The following EXOC6 variants were observed in gnomAD, a reference collection of about 807,000 sequenced individuals.
EXOC6 encodes the protein exocyst complex component 6.
EXOC6 carries 60 observed loss-of-function variants against 112.5 expected under a neutral mutation model. The observed-to-expected ratio is 0.53, with a 90% CI of 0.43 to 0.66. EXOC6 has a LOEUF of 0.66. EXOC6 is among the 30% of genes least tolerant of loss of function. The probability of loss-of-function intolerance (pLI) is 0.00; values close to 1 mark genes in which losing one functional copy is unlikely to be tolerated. For synonymous variants in EXOC6, 295 were observed against 308.0 expected, an observed-to-expected ratio of 0.96 and a Z score of 0.44; for missense variants, 855 against 957.1, an observed-to-expected ratio of 0.89 and a Z score of 1.41.
At chr10:92,831,090 A>T (rs931811805), upstream of EXOC6, among the ~76,000 whole-genome samples, 2 of 152,246 alleles carry the variant, frequency 1.3e-5, no homozygotes, top group Non-Finnish European at 2.9e-5. Flanking sequence ...TAAAAGGAAG[A>T]TGCTGGTTTA....
Position 93,014,245 on chromosome 10 carries a change from T to C in EXOC6, c.2147T>C (p.Leu716Pro). 6.2e-7 allele frequency: 1 copy of C among 1,613,576 alleles called. No individual in the cohort carries two copies. The highest frequency in any genetic ancestry group is 8.5e-7 in the Non-Finnish European group (1 of 1,179,554). ...VPGFQGDTLQ[L>P]AFIDLRQLLD... ...GGATTCCAGGGGGATACCCTGCAGCTAGCATTCATTGACCTCAGACAAGTA... is the reference window on the plus strand; with the variant it reads ...GGATTCCAGGGGGATACCCTGCAGCCAGCATTCATTGACCTCAGACAAGTA... The change falls in exon 20 of 22, where the codon CTA becomes CCA. Residue 716 changes from leucine (L) to proline (P), a missense_variant. Leu to Pro is a moderately conservative substitution (Grantham distance 98). Coordinates refer to ENST00000260762, the MANE Select transcript of EXOC6 (RefSeq NM_019053.6).
chr10:93,046,273 G>A (rs1225379468), intron 20 of EXOC6, among the ~76,000 whole-genome samples: 1 of 152,202 alleles, frequency 6.6e-6, no homozygotes, highest in African/African-American at 2.4e-5. Context: ...GATATTGGAA[G>A]GAGATAAGTG....
At chr10:92,971,713 T>C (rs1842305331) in intron 17 of EXOC6, among the ~76,000 whole-genome samples, 1 of 152,202 alleles carries the variant, frequency 6.6e-6, no homozygotes, top group Non-Finnish European at 1.5e-5. Context: ...TTTATTGATG[T>C]ATTCTCATAA....
chr10:92,882,706 G>T (rs1849025399), intron 1 of EXOC6, among the ~76,000 whole-genome samples: 1 of 152,004 alleles, frequency 6.6e-6, no homozygotes, highest in South Asian at 2.1e-4. Context: ...TTCTCACATG[G>T]TTGTTACTGA....
chr10:93,026,621 G>A (rs2134276130), intron 20 of EXOC6, among the ~76,000 whole-genome samples: 1 of 152,266 alleles, frequency 6.6e-6, no homozygotes, highest in African/African-American at 2.4e-5. Flanking sequence ...GTCACATTTT[G>A]TAATTCTCAC....
intron 18 of EXOC6, among the ~76,000 whole-genome samples, chr10:92,978,974 C>G (rs1014164486): frequency 3.3e-5 from 5 of 152,180 alleles, no homozygotes; most frequent in Non-Finnish European, 5.9e-5. Context: ...CCAAGGGGCA[C>G]TCTTTCAAAT....
At chr10:92,916,967 C>CTT (rs1299919614) in intron 7 of EXOC6, among the ~76,000 whole-genome samples, 3 of 141,188 alleles carry the variant, frequency 2.1e-5, no homozygotes, top group African/African-American at 5.2e-5. Flanking sequence ...ATTTTTCTTT[C>CTT]TTTTTTTTTT....
intron 7 of EXOC6, among the ~76,000 whole-genome samples, chr10:92,917,178 G>A (rs1189901218): frequency 1.3e-5 from 2 of 151,964 alleles, no homozygotes; most frequent in African/African-American, 4.8e-5. Context: ...TGCTGGCCAG[G>A]CTGGTCTTGA....
chr10:92,981,465 T>G (rs1409153787), intron 18 of EXOC6, among the ~76,000 whole-genome samples: 1 of 152,224 alleles, frequency 6.6e-6, no homozygotes, highest in East Asian at 1.9e-4. Flanking sequence ...ACAGTGAGTT[T>G]TAAAAATGTC....
Position 92,836,269 on chromosome 10 carries a change from G to A in EXOC6, c.86+1445G>A, listed in dbSNP as rs762505159. ...TGTCTGTCCTTAGAACTAACCTGTC[G>A]GCTAGTCTGTCTCTGGTGTTGGACT... On this transcript the variant is annotated intron_variant, in intron 1 of 21. Coordinates refer to the EXOC6 transcript ENST00000371552. Among the ~76,000 whole-genome samples the A allele has an allele frequency of 3.9e-5, 6 of 152,120 alleles. No individual in the cohort carries two copies. In the East Asian group the frequency reaches 9.6e-4, roughly 24 times the overall value.
At chr10:93,007,000 A>T (rs1237548218) in intron 19 of EXOC6, among the ~76,000 whole-genome samples, 1 of 131,868 alleles carries the variant, frequency 7.6e-6, no homozygotes, top group Non-Finnish European at 1.6e-5. Context: ...CACCCTCTTT[A>T]CCCCCTGACA....
At chr10:92,999,126 C>A in intron 19 of EXOC6, 1 of 345,792 alleles carries the variant, frequency 2.9e-6, no homozygotes, top group South Asian at 2.3e-5. Flanking sequence ...CCCACCTCAG[C>A]CTCCCAAAGT....
At chr10:92,854,370 G>A (rs1203366357) in intron 1 of EXOC6, among the ~76,000 whole-genome samples, 2 of 151,818 alleles carry the variant, frequency 1.3e-5, no homozygotes, top group Non-Finnish European at 2.9e-5. Flanking sequence ...CTGGGAGGCG[G>A]AGGATGCATG....
intron 18 of EXOC6, among the ~76,000 whole-genome samples, chr10:92,977,868 C>A (rs1296908449): frequency 6.6e-6 from 1 of 151,960 alleles, no homozygotes; most frequent in Non-Finnish European, 1.5e-5. Context: ...TAGAGGAAAC[C>A]CTGCTTTTTC....
chr10:93,049,184 A>T (rs985209847), intron 20 of EXOC6, among the ~76,000 whole-genome samples: 4 of 152,070 alleles, frequency 2.6e-5, no homozygotes, highest in African/African-American at 9.6e-5. Flanking sequence ...CAGCCTCCTG[A>T]GTAGCTGGGA....
intron 7 of EXOC6, among the ~76,000 whole-genome samples, chr10:92,919,511 T>G (rs533409527): frequency 2.6e-4 from 39 of 152,256 alleles, no homozygotes; most frequent in Non-Finnish European, 5.1e-4. Context: ...AGTGGTGGTG[T>G]TTTTTCTTTC....
intron 1 of EXOC6, among the ~76,000 whole-genome samples, chr10:92,875,934 CAT>C (rs1447810909): frequency 6.6e-6 from 1 of 151,862 alleles, no homozygotes; most frequent in African/African-American, 2.4e-5. Context: ...TTTCAGAACA[CAT>C]GTATATATAA....
At chr10:92,985,316 T>C (rs1277431579) in intron 18 of EXOC6, among the ~76,000 whole-genome samples, 2 of 152,312 alleles carry the variant, frequency 1.3e-5, no homozygotes, top group East Asian at 3.9e-4. Context: ...TCTGGACTTC[T>C]AATGCACAGC....
At chr10:92,975,667 G>A (rs1376016805) in intron 18 of EXOC6, among the ~76,000 whole-genome samples, 6 of 120,342 alleles carry the variant, frequency 5.0e-5, no homozygotes, top group Admixed American at 2.4e-4. Flanking sequence ...GGTGAGGGGC[G>A]CCTCTGCCCG....
Sources: allele counts gnomAD v4.1 joint callset (sites outside exome capture counted in the v4.1 genomes callset), GRCh38; gene constraint gnomAD v4.1.1; transcripts MANE v1.5; gene names NCBI Gene and HGNC (gene_info 2026-07-23, HGNC 2026-07-21).